INVS: variants seen among roughly 807,000 people sequenced by gnomAD.
The protein encoded by INVS is inversion of embryo turning homolog.
INVS carries 86 observed loss-of-function variants against 108.8 expected under a neutral mutation model. That is an observed-to-expected ratio of 0.79 (90% CI 0.66 to 0.95). The LOEUF is 0.95. Ranked by LOEUF, INVS falls within the 40% of genes least tolerant of loss-of-function variation. The pLI is 0.00. For synonymous variants in INVS, 455 were observed against 473.5 expected, an observed-to-expected ratio of 0.96 and a Z score of 0.51; for missense variants, 1,169 against 1,297.4, an observed-to-expected ratio of 0.90 and a Z score of 1.52.
At chr9:100,225,918 G>T (rs1369910950) in intron 3 of INVS, 144 bp from the exon 4 acceptor site, 2 of 616,584 alleles carry the variant, frequency 3.2e-6, no homozygotes, top group South Asian at 2.1e-5. Flanking sequence ...TAGTATAGTG[G>T]AATTACAAGC....
intron 3 of INVS, among the ~76,000 whole-genome samples, chr9:100,181,467 C>A (rs986965589): frequency 1.3e-5 from 2 of 152,150 alleles, no homozygotes; most frequent in African/African-American, 4.8e-5. Flanking sequence ...CATTCCTATA[C>A]ACCAATAATA....
intron 3 of INVS, among the ~76,000 whole-genome samples, chr9:100,174,596 A>C (rs1373875182): frequency 6.6e-6 from 1 of 152,082 alleles, no homozygotes; most frequent in Admixed American, 6.6e-5. Flanking sequence ...CAAGAAACGT[A>C]ATGAACTCCA....
At chr9:100,233,061 A>T (rs1017459145) in intron 5 of INVS, among the ~76,000 whole-genome samples, 3 of 151,684 alleles carry the variant, frequency 2.0e-5, no homozygotes, top group Non-Finnish European at 3.0e-5. Flanking sequence ...TCCTTCAGGG[A>T]ACTACAATGT....
rs533008444 is a variant in INVS at position 100,284,529 on chromosome 9, C to T, written c.1994C>T (p.Ser665Phe). 4 of 1,614,018 alleles carry T rather than the reference C, an allele frequency of 2.5e-6. No homozygotes were observed. Among genetic ancestry groups the T allele is most frequent in the Non-Finnish European group, 3.4e-6 (4 of 1,179,914 alleles). Residue 665 changes from serine (S) to phenylalanine (F), a missense_variant, in exon 13 of 17, where the codon TCT (serine) becomes TTT (phenylalanine). Physicochemically the swap from Ser to Phe is radical, Grantham distance 155. Around this residue, in one of 3 missense-constraint regions of INVS, gnomAD observed 533 missense variants for 536.0 expected, o/e 0.99. Transcript: ENST00000262457. Reference sequence around the variant, plus strand: ...GACAGCAGAGGATCTCCAGGAGGGTCTCTAGGCGGAGCCCTCCAGAAGGAG... The same window carrying T: ...GACAGCAGAGGATCTCCAGGAGGGTTTCTAGGCGGAGCCCTCCAGAAGGAG... The part of the protein sequence containing the change: ...PRDSRGSPGG[S>F]LGGALQKEQH...
chr9:100,136,055 A>C (rs1443579271), intron 3 of INVS, among the ~76,000 whole-genome samples: 1 of 152,060 alleles, frequency 6.6e-6, no homozygotes, highest in African/African-American at 2.4e-5. Flanking sequence ...TTCCTTTTCC[A>C]CTAAATGACT....
intron 8 of INVS, among the ~76,000 whole-genome samples, chr9:100,247,590 T>C (rs1471090584): frequency 6.6e-6 from 1 of 152,154 alleles, no homozygotes; most frequent in East Asian, 1.9e-4. Context: ...GCATCTACTG[T>C]TATCCTGAAT....
chr9:100,122,826 C>T (rs779363717), intron 2 of INVS, among the ~76,000 whole-genome samples: 1 of 151,840 alleles, frequency 6.6e-6, no homozygotes, highest in Admixed American at 6.6e-5. Context: ...CCTCATGATT[C>T]GCCCGCCTTG....
intron 2 of INVS, among the ~76,000 whole-genome samples, chr9:100,118,641 A>G (rs1014773895): frequency 6.6e-6 from 1 of 152,050 alleles, no homozygotes; most frequent in African/African-American, 2.4e-5. Flanking sequence ...GTTTTTGTAT[A>G]TGAATGCCAA....
At chr9:100,257,793 G>T (rs1021677588) in intron 10 of INVS, among the ~76,000 whole-genome samples, 1 of 152,172 alleles carries the variant, frequency 6.6e-6, no homozygotes, top group Non-Finnish European at 1.5e-5. Context: ...AGTCTGATGG[G>T]CTTCCCTTTG....
At position 100,246,153 on chromosome 9, in the gene INVS, A is replaced by C. The variant is rs1832039601; in HGVS notation, c.907-463A>C. Among the ~76,000 whole-genome samples, 5 of 146,176 alleles carry C rather than the reference A, an allele frequency of 3.4e-5. No individual in the cohort carries two copies. The South Asian group carries it at 1.1e-3, about 31-fold the overall frequency. Reference sequence around the variant, plus strand: ...GGGCAACAGAGTAAGACTCCCTCTCAAAAAAAAAAGAAAAAGAAAAAAGAA... The same window carrying C: ...GGGCAACAGAGTAAGACTCCCTCTCCAAAAAAAAAGAAAAAGAAAAAAGAA... On this transcript the variant is annotated intron_variant, in intron 7 of 16. Transcript: ENST00000262457.
In INVS at chr9:100,301,391, G is replaced by A. The variant is rs536032890; in HGVS notation, c.*717G>A. On this transcript the variant is annotated 3_prime_UTR_variant, in exon 17 of 17. Coordinates refer to ENST00000262457, the MANE Select transcript of INVS (RefSeq NM_014425.5). ...TTCTCAGTGCTGAATACCAACAGCC[G>A]TATTACAGTATCAAGGATTCTGTCA... is the stretch of plus-strand genomic sequence containing the variant. Among the ~76,000 whole-genome samples the A allele has an allele frequency of 6.6e-5, 10 of 152,250 alleles. No homozygotes were observed. The highest frequency in any genetic ancestry group is 1.9e-4 in the African/African-American group (8 of 41,536).
At chr9:100,160,822 G>T (rs868506209) in intron 3 of INVS, among the ~76,000 whole-genome samples, 13 of 152,016 alleles carry the variant, frequency 8.6e-5, no homozygotes, top group South Asian at 2.1e-4. Flanking sequence ...GGGCATGGTG[G>T]TGGGCACCTG....
intron 3 of INVS, among the ~76,000 whole-genome samples, chr9:100,189,106 C>CTTTTTTTTTTTTTTTTT (rs60762136): frequency 3.6e-4 from 25 of 69,510 alleles, no homozygotes; most frequent in African/African-American, 5.4e-4. Context: ...TTTGCATCTT[C>CTTTTTTTTTTTTTTTTT]TTTTTTTTTT....
intron 3 of INVS, among the ~76,000 whole-genome samples, chr9:100,164,537 C>CCTGTATTCCTGTA (rs1829297602): frequency 6.6e-6 from 1 of 152,074 alleles, no homozygotes; most frequent in Non-Finnish European, 1.5e-5. Flanking sequence ...TCATGCTAAT[C>CCTGTATTCCTGTA]TTATTTCCTG....
At chr9:100,127,875 A>G (rs972027742) in intron 3 of INVS, among the ~76,000 whole-genome samples, 1 of 152,212 alleles carries the variant, frequency 6.6e-6, no homozygotes, top group Non-Finnish European at 1.5e-5. Flanking sequence ...CTTGTCAGCT[A>G]ATGAAATTAT....
intron 3 of INVS, among the ~76,000 whole-genome samples, chr9:100,192,586 C>G (rs1830255033): frequency 6.6e-6 from 1 of 152,122 alleles, no homozygotes. Context: ...GTGCAATGAT[C>G]TTTAATAGTG....
intron 8 of INVS, among the ~76,000 whole-genome samples, chr9:100,251,427 C>T (rs1467235168): frequency 1.3e-5 from 2 of 152,258 alleles, no homozygotes; most frequent in Non-Finnish European, 2.9e-5. Flanking sequence ...CCAAGCATTA[C>T]ACTGGAGTAA....
chr9:100,281,017 CCT>C (rs1403359337), intron 12 of INVS, among the ~76,000 whole-genome samples: 5 of 151,970 alleles, frequency 3.3e-5, no homozygotes, highest in Admixed American at 6.6e-5. Context: ...AGAGTGAGAC[CCT>C]GTTTCTAAAA....
intron 3 of INVS, among the ~76,000 whole-genome samples, chr9:100,177,731 C>T (rs1439990964): frequency 1.3e-5 from 2 of 152,206 alleles, no homozygotes; most frequent in Non-Finnish European, 2.9e-5. Flanking sequence ...TGCCTGCTGG[C>T]TCTGAAGAGA....
Sources: gnomAD v4.1 joint callset for allele counts (sites outside exome capture counted in the v4.1 genomes callset) on GRCh38, gnomAD v4.1.1 for gene constraint, gnomAD v4.1.1 regional missense constraint, MANE v1.5 for transcripts, NCBI Gene and HGNC (gene_info 2026-07-23, HGNC 2026-07-21) for gene names.